Variants in CNTNAP5 observed in about 807,000 individuals in gnomAD.
CNTNAP5 encodes the protein contactin associated protein family member 5, also known as contactin-associated protein-like 5.
A neutral mutation model predicts 150.2 loss-of-function variants in CNTNAP5; 72 were observed. The observed-to-expected ratio is 0.48, with a 90% CI of 0.40 to 0.58. The LOEUF (loss-of-function observed/expected upper bound fraction) is 0.58. CNTNAP5 is among the 20% of genes least tolerant of loss of function. CNTNAP5 has a pLI of 0.00. For missense variants in CNTNAP5, 1,636 were observed against 1,626.2 expected, an observed-to-expected ratio of 1.01 and a Z score of -0.10; for synonymous variants, 672 against 619.8, an observed-to-expected ratio of 1.08 and a Z score of -1.25.
intron 1 of CNTNAP5, among the ~76,000 whole-genome samples, chr2:124,169,338 C>T (rs921595085): frequency 1.1e-4 from 16 of 151,324 alleles, no homozygotes; most frequent in Admixed American, 2.0e-4. Context: ...ACTCAAAGGA[C>T]AAATGGACAA....
At chr2:124,642,948 TG>T (rs1386814436) in intron 12 of CNTNAP5, among the ~76,000 whole-genome samples, 1 of 152,206 alleles carries the variant, frequency 6.6e-6, no homozygotes, top group African/African-American at 2.4e-5. Context: ...TTGGAAGCCA[TG>T]GGGCACAGTA....
intron 13 of CNTNAP5, among the ~76,000 whole-genome samples, chr2:124,715,475 C>T (rs12468625): frequency 0.21 from 31,297 of 151,970 alleles, 3,320 homozygotes; most frequent in East Asian, 0.24. Flanking sequence ...CATGTTCCCA[C>T]TGAGGCTGGA....
intron 12 of CNTNAP5, among the ~76,000 whole-genome samples, chr2:124,621,505 T>G (rs1204057770): frequency 4.6e-5 from 7 of 152,200 alleles, no homozygotes; most frequent in Non-Finnish European, 8.8e-5. Flanking sequence ...TCTGTTTTCA[T>G]TAAAACTCAT....
At position 124,226,490 on chromosome 2, in the gene CNTNAP5, G is replaced by A. The variant is rs149461611; in HGVS notation, c.187+4681G>A. Among the ~76,000 whole-genome samples, 22 of 152,126 alleles carry A rather than the reference G, an allele frequency of 1.4e-4. 1 individual carries two copies. The East Asian group carries it at 4.1e-3, about 28-fold the overall frequency. ...ACTGAGTTGTACTTGTTCTTTAAATGTTTGGGTATTAACCCCTTATGAGAT... is the reference window on the plus strand; with the variant it reads ...ACTGAGTTGTACTTGTTCTTTAAATATTTGGGTATTAACCCCTTATGAGAT... On this transcript the variant is annotated intron_variant, in intron 2 of 23. Coordinates refer to ENST00000682447, the MANE Select transcript of CNTNAP5 (RefSeq NM_001367498.1).
chr2:124,549,777 A>G (rs1315893126), intron 10 of CNTNAP5, among the ~76,000 whole-genome samples: 1 of 152,260 alleles, frequency 6.6e-6, no homozygotes, highest in Non-Finnish European at 1.5e-5. Context: ...TAAAAGCCAG[A>G]TAAATATATA....
intron 17 of CNTNAP5, among the ~76,000 whole-genome samples, chr2:124,777,371 T>C (rs1216729582): frequency 6.6e-6 from 1 of 152,150 alleles, no homozygotes; most frequent in Non-Finnish European, 1.5e-5. Flanking sequence ...TAGTGTTTTC[T>C]ACTCGCTATT....
At chr2:124,271,916 T>C (rs1307870821) in intron 3 of CNTNAP5, among the ~76,000 whole-genome samples, 1 of 152,154 alleles carries the variant, frequency 6.6e-6, no homozygotes, top group African/African-American at 2.4e-5. Context: ...GGTTTCACTA[T>C]GTTGGTCAGG....
intron 3 of CNTNAP5, among the ~76,000 whole-genome samples, chr2:124,277,559 A>G (rs1234658516): frequency 6.6e-6 from 1 of 152,122 alleles, no homozygotes; most frequent in East Asian, 1.9e-4. Context: ...GTCTTTATTA[A>G]CTTTCATTTC....
At chr2:124,123,286 C>T (rs151119273) in intron 1 of CNTNAP5, among the ~76,000 whole-genome samples, 9,320 of 152,198 alleles carry the variant, frequency 0.061, 409 homozygotes, top group East Asian at 0.19. Context: ...CCCACGCCCA[C>T]GGAGCCTCAC....
intron 12 of CNTNAP5, among the ~76,000 whole-genome samples, chr2:124,611,851 T>G (rs1334777627): frequency 6.6e-6 from 1 of 152,202 alleles, no homozygotes; most frequent in Non-Finnish European, 1.5e-5. Context: ...CGACTCTCTC[T>G]GGGAATTGAG....
chr2:124,637,788 C>T (rs983473201), intron 12 of CNTNAP5, among the ~76,000 whole-genome samples: 4 of 152,034 alleles, frequency 2.6e-5, no homozygotes, highest in Non-Finnish European at 2.9e-5. Flanking sequence ...CCCCTTGTGT[C>T]GTTATGGACT....
At chr2:124,640,761 G>A (rs549445142) in intron 12 of CNTNAP5, among the ~76,000 whole-genome samples, 2 of 152,150 alleles carry the variant, frequency 1.3e-5, no homozygotes, top group South Asian at 2.1e-4. Context: ...ACATCCTCCC[G>A]GCTTCGCTTC....
intron 1 of CNTNAP5, among the ~76,000 whole-genome samples, chr2:124,086,394 G>C (rs1022307602): frequency 2.0e-5 from 3 of 151,214 alleles, no homozygotes; most frequent in Admixed American, 2.0e-4. Flanking sequence ...TAGTAGAAAC[G>C]GGGTTTCATC....
At chr2:124,710,188 C>A (rs747966718) in intron 13 of CNTNAP5, among the ~76,000 whole-genome samples, 1 of 152,050 alleles carries the variant, frequency 6.6e-6, no homozygotes, top group Non-Finnish European at 1.5e-5. Context: ...GAATGTGGGA[C>A]CCAGTGTTGC....
intron 2 of CNTNAP5, among the ~76,000 whole-genome samples, chr2:124,234,978 G>A (rs1258181741): frequency 6.6e-6 from 1 of 152,138 alleles, no homozygotes; most frequent in African/African-American, 2.4e-5. Context: ...TGGAAGCTGA[G>A]CAGAGACAGG....
rs182528192 is a variant in CNTNAP5 at position 124,237,190 on chromosome 2, T to C, written c.188-5010T>C. ...TGAAAATGCTATGCTGCTATGTGTG[T>C]GTATGACGCTTTCAACTCCAGTTGG... On this transcript the variant is annotated intron_variant, in intron 2 of 23. Coordinates refer to ENST00000682447, the MANE Select transcript of CNTNAP5 (RefSeq NM_001367498.1). Among the ~76,000 whole-genome samples, 20 of 152,290 alleles carry C rather than the reference T, an allele frequency of 1.3e-4. No individual in the cohort carries two copies. The East Asian group carries it at 3.5e-3, about 26-fold the overall frequency.
chr2:124,437,131 T>C (rs987538665), intron 5 of CNTNAP5, among the ~76,000 whole-genome samples: 2 of 152,208 alleles, frequency 1.3e-5, no homozygotes, highest in Non-Finnish European at 2.9e-5. Flanking sequence ...TAACACCTTG[T>C]TCACTTCTGT....
intron 21 of CNTNAP5, among the ~76,000 whole-genome samples, chr2:124,887,494 G>GAA (rs1157035900): frequency 1.3e-5 from 2 of 152,048 alleles, no homozygotes; most frequent in Non-Finnish European, 2.9e-5. Flanking sequence ...TTTCTTATCT[G>GAA]AAAACCAGGA....
Position 124,691,400 on chromosome 2 carries a change from G to A in CNTNAP5, c.2077+43442G>A, listed in dbSNP as rs938971783. ...TTCTGATTTCTATTGTCTGCCTTGA[G>A]GAAGAGGGATTCTAGTTTCTATGCC... is the stretch of plus-strand genomic sequence containing the variant. On this transcript the variant is annotated intron_variant, in intron 13 of 23. Coordinates refer to ENST00000682447, the MANE Select transcript of CNTNAP5 (RefSeq NM_001367498.1). Among the ~76,000 whole-genome samples the A allele has an allele frequency of 2.6e-5, 4 of 152,066 alleles. No individual in the cohort carries two copies. The South Asian group carries it at 8.3e-4, about 31-fold the overall frequency.
Sources: gnomAD v4.1 joint callset for allele counts (sites outside exome capture counted in the v4.1 genomes callset) on GRCh38, gnomAD v4.1.1 for gene constraint, MANE v1.5 for transcripts, NCBI Gene and HGNC (gene_info 2026-07-23, HGNC 2026-07-21) for gene names.